The following CNTN5 variants were observed in gnomAD, a reference collection of about 807,000 sequenced individuals.
CNTN5 encodes contactin-5.
In CNTN5, 77 loss-of-function variants were observed where a neutral mutation model predicts 129.1. That is an observed-to-expected ratio of 0.60 (90% confidence interval 0.50 to 0.72). The LOEUF (loss-of-function observed/expected upper bound fraction) is 0.72. CNTN5 is among the 30% of genes least tolerant of loss of function. The pLI, the probability that CNTN5 is intolerant of heterozygous loss-of-function variation, is 0.00. For missense variants in CNTN5, 1,478 were observed against 1,328.8 expected (o/e 1.11, Z -1.75); for synonymous variants, 509 against 465.6 (o/e 1.09, Z -1.20).
intron 16 of CNTN5, among the ~76,000 whole-genome samples, chr11:100,249,356 G>C (rs913873618): frequency 7.9e-5 from 12 of 152,164 alleles, no homozygotes; most frequent in African/African-American, 2.9e-4. Context: ...ATTGAGGCTA[G>C]ATTGAATCCA....
chr11:99,916,316 T>C (rs1949789525), intron 7 of CNTN5, among the ~76,000 whole-genome samples, 167 bp downstream of exon 7: 1 of 152,176 alleles, frequency 6.6e-6, no homozygotes, highest in African/African-American at 2.4e-5. Context: ...ACTCTAAATA[T>C]CATTAGACAG....
chr11:99,113,681 T>C lies in CNTN5; in HGVS notation c.-210+92411T>C, dbSNP rs530185665. On this transcript the variant is annotated intron_variant, in intron 1 of 24. Coordinates refer to ENST00000524871, the MANE Select transcript of CNTN5 (RefSeq NM_014361.4). ...TCATATTTATGTCCTTGAAATGAAA[T>C]TTTGCCAGTGAAGTTGAGAATTTTC... Among the ~76,000 whole-genome samples the C allele has an allele frequency of 3.3e-5, 5 of 152,206 alleles. No individual in the cohort carries two copies. The South Asian group carries it at 1.0e-3, about 32-fold the overall frequency.
intron 2 of CNTN5, among the ~76,000 whole-genome samples, chr11:99,501,554 A>G (rs1946428102): frequency 1.3e-5 from 2 of 152,210 alleles, no homozygotes; most frequent in Admixed American, 6.5e-5. Flanking sequence ...TGCAGTTGCA[A>G]AAGAACTGAT....
chr11:99,892,786 G>T (rs984615967), intron 6 of CNTN5, among the ~76,000 whole-genome samples: 8 of 152,036 alleles, frequency 5.3e-5, no homozygotes, highest in African/African-American at 1.9e-4. Flanking sequence ...TGTTCTTTTT[G>T]CTTAGGATTG....
intron 13 of CNTN5, among the ~76,000 whole-genome samples, chr11:100,147,664 T>C (rs1331845342): frequency 6.6e-6 from 1 of 152,064 alleles, no homozygotes; most frequent in Non-Finnish European, 1.5e-5. Context: ...GTATCCTTTA[T>C]TGTCCCTTTC....
chr11:99,128,128 G>T (rs112682372), intron 1 of CNTN5, among the ~76,000 whole-genome samples: 1 of 152,138 alleles, frequency 6.6e-6, no homozygotes, highest in Non-Finnish European at 1.5e-5. Flanking sequence ...AAGCCAGAGA[G>T]CCAAACATCC....
intron 9 of CNTN5, among the ~76,000 whole-genome samples, chr11:100,055,343 C>T (rs949652118): frequency 6.6e-6 from 1 of 151,492 alleles, no homozygotes; most frequent in Admixed American, 6.6e-5. Flanking sequence ...TTTTTATACA[C>T]ACACATTATT....
intron 13 of CNTN5, among the ~76,000 whole-genome samples, chr11:100,136,796 AAAAAT>A (rs1946540421): frequency 6.6e-6 from 1 of 151,860 alleles, no homozygotes; most frequent in Admixed American, 6.6e-5. Context: ...GTTAAAAAAA[AAAAAT>A]AAAGTAACAC....
intron 16 of CNTN5, among the ~76,000 whole-genome samples, chr11:100,230,343 A>G (rs1591415923): frequency 6.6e-6 from 1 of 152,228 alleles, no homozygotes; most frequent in Admixed American, 6.5e-5. Flanking sequence ...TCTATCTTAG[A>G]CTTTCTCTAA....
At chr11:99,150,324 T>G (rs1005428853) in intron 1 of CNTN5, among the ~76,000 whole-genome samples, 1 of 152,048 alleles carries the variant, frequency 6.6e-6, no homozygotes, top group African/African-American at 2.4e-5. Flanking sequence ...TGCTTAGGCT[T>G]TTTAACATAT....
intron 8 of CNTN5, among the ~76,000 whole-genome samples, chr11:99,969,422 C>T (rs1951187970): frequency 6.6e-6 from 1 of 152,100 alleles, no homozygotes; most frequent in Non-Finnish European, 1.5e-5. Context: ...GCAGTGGTGG[C>T]AAAGATATAT....
At chr11:100,274,956 C>T (rs1950477468) in intron 18 of CNTN5, among the ~76,000 whole-genome samples, 1 of 152,180 alleles carries the variant, frequency 6.6e-6, no homozygotes, top group South Asian at 2.1e-4. Context: ...CACAAGTTTA[C>T]CTATGTAACA....
At chr11:100,161,665 GAAT>G (rs905177426) in intron 13 of CNTN5, among the ~76,000 whole-genome samples, 17 of 151,646 alleles carry the variant, frequency 1.1e-4, no homozygotes, top group African/African-American at 3.4e-4. Flanking sequence ...TTTACAAAAT[GAAT>G]AATACTTATA....
intron 7 of CNTN5, among the ~76,000 whole-genome samples, chr11:99,922,943 T>C (rs905037552): frequency 6.6e-5 from 10 of 152,186 alleles, no homozygotes; most frequent in Non-Finnish European, 1.3e-4. Context: ...ATGACAGATA[T>C]TTGGGTCACT....
At chr11:99,845,353 T>G in intron 6 of CNTN5, 91 bp downstream of exon 6, 1 of 321,992 alleles carries the variant, frequency 3.1e-6, no homozygotes, top group Non-Finnish European at 5.5e-6. Context: ...AAGAAAAGCC[T>G]AAGATCTCAA....
intron 1 of CNTN5, among the ~76,000 whole-genome samples, chr11:99,318,787 C>G (rs777310777): frequency 2.6e-5 from 4 of 152,166 alleles, no homozygotes; most frequent in Non-Finnish European, 4.4e-5. Context: ...TGTAGTTAAT[C>G]TGGAATTATG....
At chr11:99,918,065 T>G (rs1949840380) in intron 7 of CNTN5, among the ~76,000 whole-genome samples, 1 of 152,154 alleles carries the variant, frequency 6.6e-6, no homozygotes, top group South Asian at 2.1e-4. Context: ...ACCCCTTTAG[T>G]ACCCTGATTG....
intron 2 of CNTN5, among the ~76,000 whole-genome samples, chr11:99,369,888 A>G (rs1449177753): frequency 6.6e-6 from 1 of 152,166 alleles, no homozygotes; most frequent in African/African-American, 2.4e-5. Context: ...CTAATTTAAA[A>G]AAAAATTACA....
At chr11:99,831,899 C>T (rs1398259941) in intron 4 of CNTN5, among the ~76,000 whole-genome samples, 2 of 152,122 alleles carry the variant, frequency 1.3e-5, no homozygotes, top group Non-Finnish European at 1.5e-5. Context: ...ACATTGAGTT[C>T]TTCAGCAACT....
Sources: gnomAD v4.1 joint callset for allele counts (sites outside exome capture counted in the v4.1 genomes callset) on GRCh38, gnomAD v4.1.1 for gene constraint, MANE v1.5 for transcripts, NCBI Gene and HGNC (gene_info 2026-07-23, HGNC 2026-07-21) for gene names.